Variants in KATNIP observed in about 807,000 individuals in gnomAD.
KATNIP encodes the protein katanin-interacting protein.
In KATNIP, 126 loss-of-function variants were observed where a neutral mutation model predicts 174.0. The ratio of observed to expected loss-of-function variants is 0.72; its 90% CI spans 0.63 to 0.84. KATNIP has a LOEUF of 0.84. Ranked by LOEUF, KATNIP falls within the 40% of genes least tolerant of loss-of-function variation. KATNIP has a pLI of 0.00. For missense variants in KATNIP, 1,958 were observed against 2,109.7 expected, an observed-to-expected ratio of 0.93 and a Z score of 1.41; for synonymous variants, 810 against 835.7, an observed-to-expected ratio of 0.97 and a Z score of 0.53.
At chr16:27,750,415 C>CTT in intron 16 of KATNIP, 109 bp downstream of exon 16, 2 of 908,382 alleles carry the variant, frequency 2.2e-6, no homozygotes, top group Admixed American at 2.7e-5. Context: ...AGTCCTTTCT[C>CTT]TTTCTTTTTT....
At chr16:27,697,713 G>A (rs1429417755) in intron 8 of KATNIP, among the ~76,000 whole-genome samples, 1 of 151,978 alleles carries the variant, frequency 6.6e-6, no homozygotes, top group African/African-American at 2.4e-5. Flanking sequence ...TAAATTGATC[G>A]ATAGAGGGTG....
Position 27,648,739 on chromosome 16 carries a change from G to A in KATNIP, c.540+4G>A. The A allele has an allele frequency of 6.2e-7, 1 of 1,612,612 alleles. No homozygotes were observed. The highest frequency in any genetic ancestry group is 8.5e-7 in the Non-Finnish European group (1 of 1,179,396). On this transcript the variant is annotated splice_donor_region_variant and intron_variant, in intron 6 of 27. Coordinates refer to ENST00000261588, the MANE Select transcript of KATNIP (RefSeq NM_015202.5). ...CACTTCTGAGGATCGTCCGCAGGTA[G>A]GGATGGCCTTGGCCTTGTGCTCGGG...
At chr16:27,593,072 T>G (rs1482029898) in intron 2 of KATNIP, among the ~76,000 whole-genome samples, 1 of 152,182 alleles carries the variant, frequency 6.6e-6, no homozygotes, top group African/African-American at 2.4e-5. Flanking sequence ...CTCTTATCTA[T>G]CTACCTCTCT....
chr16:27,679,163 G>A (rs914004794), intron 7 of KATNIP: 6 of 152,244 alleles, frequency 3.9e-5, no homozygotes, highest in Admixed American at 2.6e-4. Flanking sequence ...ACCACAGACT[G>A]GGTGGCTTAA....
chr16:27,767,297 C>T (rs765239041), intron 20 of KATNIP, among the ~76,000 whole-genome samples: 6 of 152,164 alleles, frequency 3.9e-5, no homozygotes, highest in Admixed American at 3.3e-4. Context: ...GGGAATAACA[C>T]CTGCCACGGC....
rs191489800 is a variant in KATNIP at position 27,562,820 on chromosome 16, A to G, written c.8-11081A>G. On this transcript the variant is annotated intron_variant, in intron 1 of 27. Transcript: ENST00000261588. ...CTTTACTATTTCAAATGGAAAAAAA[A>G]TCAATATTTTCCAATTATCTTCAAT... Among the ~76,000 whole-genome samples the G allele has an allele frequency of 1.7e-3, 258 of 152,348 alleles. 1 individual carries two copies. The highest frequency in any genetic ancestry group is 5.5e-3 in the African/African-American group (227 of 41,572).
intron 8 of KATNIP, among the ~76,000 whole-genome samples, chr16:27,683,949 C>T (rs1001575970): frequency 3.9e-5 from 6 of 152,178 alleles, no homozygotes; most frequent in African/African-American, 1.4e-4. Flanking sequence ...TGCCACTGCA[C>T]GAACCCCCCT....
At chr16:27,618,884 AT>A (rs2076118640) in intron 3 of KATNIP, among the ~76,000 whole-genome samples, 1 of 152,228 alleles carries the variant, frequency 6.6e-6, no homozygotes, top group Non-Finnish European at 1.5e-5. Flanking sequence ...ATGTCGTGTT[AT>A]GCAAAAATGG....
At chr16:27,739,925 C>T in intron 14 of KATNIP, 116 bp from the exon 15 acceptor site, 4 of 1,179,188 alleles carry the variant, frequency 3.4e-6, no homozygotes, top group Non-Finnish European at 4.7e-6. Flanking sequence ...TTTTCAAAAG[C>T]TTGCATTTCT....
chr16:27,701,399 G>A (rs1428357671), intron 10 of KATNIP, 190 bp from the exon 11 acceptor site: 7 of 520,536 alleles, frequency 1.3e-5, no homozygotes, highest in South Asian at 3.0e-5. Context: ...CCTGGTCCTC[G>A]GAAGCTGAGA....
intron 9 of KATNIP, among the ~76,000 whole-genome samples, chr16:27,699,090 C>T (rs1229040204): frequency 1.3e-5 from 2 of 152,204 alleles, no homozygotes; most frequent in Non-Finnish European, 1.5e-5. Context: ...TTCTCAGAAG[C>T]TTGGTCTGTG....
chr16:27,628,782 A>G lies in KATNIP; in HGVS notation c.262A>G (p.Ile88Val), dbSNP rs769329116. 31 of 1,614,046 alleles carry G rather than the reference A, an allele frequency of 1.9e-5. No individual in the cohort carries two copies. Among genetic ancestry groups the G allele is most frequent in the Non-Finnish European group, 2.5e-5 (30 of 1,180,038 alleles). Residue 88 changes from isoleucine to valine, a missense_variant, in exon 4 of 28, where the codon ATT becomes GTT. By Grantham distance (29) the Ile-to-Val change is conservative. This residue lies in a region of KATNIP where 1,557 missense variants were observed against 1,617.8 expected (regional missense o/e 0.96). Transcript: ENST00000261588. ...SELKSSPRKA[I>V]HSDFSRSASH... ...GCTGAAATCATCACCGCGGAAAGCT[A>G]TTCACTCTGACTTCTCCAGAAGTGC...
intron 14 of KATNIP, 150 bp from the exon 15 acceptor site, chr16:27,739,891 A>C (rs1373763954): frequency 4.0e-6 from 3 of 756,680 alleles, no homozygotes; most frequent in African/African-American, 3.5e-5. Context: ...GACCAAGCCT[A>C]GTTTCACACC....
At chr16:27,608,399 C>CTTTTTTTTTTTTTTTTTTT (rs11374534) in intron 2 of KATNIP, among the ~76,000 whole-genome samples, 1 of 97,558 alleles carries the variant, frequency 1.0e-5, no homozygotes, top group African/African-American at 4.1e-5. Flanking sequence ...ACTGGTGAAT[C>CTTTTTTTTTTTTTTTTTTT]TTTTTTTTTT....
chr16:27,552,686 GTTTTTT>G lies in KATNIP; in HGVS notation c.7+2528_7+2533del, dbSNP rs768836183. ...CACCATGCCTGGCCTGCAAGTGGCA[GTTTTTT>G]TTTTTTTTTTTTTTTTTTGAGACGG... On this transcript the variant is annotated intron_variant, in intron 1 of 27. Coordinates refer to ENST00000261588, the MANE Select transcript of KATNIP (RefSeq NM_015202.5). 4.2e-5 allele frequency among the ~76,000 whole-genome samples: 4 copies of G among 94,378 alleles called. No homozygotes were observed. The East Asian group carries it at 1.2e-3, about 29-fold the overall frequency. The allele number at this position is 94,378 out of a possible 152,430, so 61.9% of individuals were successfully genotyped here.
At chr16:27,611,525 G>A (rs2075890872) in intron 2 of KATNIP, among the ~76,000 whole-genome samples, 1 of 152,158 alleles carries the variant, frequency 6.6e-6, no homozygotes, top group Admixed American at 6.5e-5. Context: ...GCCAGGACTG[G>A]AGCCCAGGCC....
In KATNIP at chr16:27,555,134, T is replaced by G. The variant is rs1414176404; in HGVS notation, c.7+4957T>G. The stretch of plus-strand genomic sequence containing the variant: ...ATAATTTTATAGGCACATACCTATT[T>G]ATTGGATAAAGTGAAGCATACCTTA... On this transcript the variant is annotated intron_variant, in intron 1 of 27. Transcript: ENST00000261588. Among the ~76,000 whole-genome samples the G allele has an allele frequency of 3.3e-5, 5 of 152,282 alleles. No homozygotes were observed. In the South Asian group the frequency reaches 6.2e-4, roughly 19 times the overall value.
At chr16:27,703,235 T>A (rs1226975125) in intron 11 of KATNIP, among the ~76,000 whole-genome samples, 2 of 152,116 alleles carry the variant, frequency 1.3e-5, no homozygotes, top group African/African-American at 2.4e-5. Flanking sequence ...GCAGTTTTAT[T>A]ACAAGCAGCA....
intron 6 of KATNIP, among the ~76,000 whole-genome samples, chr16:27,649,265 T>G (rs1457068697): frequency 1.3e-5 from 2 of 152,250 alleles, no homozygotes; most frequent in African/African-American, 4.8e-5. Context: ...CAGCTTTGGC[T>G]TGGAGTCCAT....
Sources: gnomAD v4.1 joint callset for allele counts (sites outside exome capture counted in the v4.1 genomes callset) on GRCh38, gnomAD v4.1.1 for gene constraint, gnomAD v4.1.1 regional missense constraint, MANE v1.5 for transcripts, NCBI Gene and HGNC (gene_info 2026-07-23, HGNC 2026-07-21) for gene names.